Variants in PHF24 observed in about 807,000 individuals in gnomAD.
The protein encoded by PHF24 is PHD finger protein 24.
A neutral mutation model predicts 42.6 loss-of-function variants in PHF24; 25 were observed. The ratio of observed to expected loss-of-function variants is 0.59; its 90% confidence interval spans 0.43 to 0.82. The LOEUF (loss-of-function observed/expected upper bound fraction) is 0.82. Among genes scored for constraint, PHF24 ranks in the 40% least tolerant of loss-of-function variants. PHF24 has a pLI of 0.00. For synonymous variants in PHF24, 185 were observed against 204.8 expected (o/e 0.90, Z 0.83); for missense variants, 470 against 538.1 (o/e 0.87, Z 1.25).
the PHF24 span, among the ~76,000 whole-genome samples, chr9:34,857,562 C>G: frequency 6.6e-6 from 1 of 152,208 alleles, no homozygotes; most frequent in Non-Finnish European, 1.5e-5. Flanking sequence ...TCTGCTGGAT[C>G]CATGCCACTC....
the PHF24 span, among the ~76,000 whole-genome samples, chr9:34,925,161 A>G: frequency 6.6e-6 from 1 of 152,040 alleles, no homozygotes; most frequent in East Asian, 1.9e-4. Context: ...TTATTTCAGT[A>G]TTTTGAATAT....
intron 3 of PHF24, among the ~76,000 whole-genome samples, chr9:34,974,625 G>A (rs1827121732): frequency 6.6e-6 from 1 of 151,924 alleles, no homozygotes; most frequent in Non-Finnish European, 1.5e-5. Context: ...TGTTTCTCAG[G>A]GTTCTGTTGT....
At chr9:34,787,747 C>T in the PHF24 span, among the ~76,000 whole-genome samples, 1 of 152,068 alleles carries the variant, frequency 6.6e-6, no homozygotes, top group Non-Finnish European at 1.5e-5. Context: ...GAAGCATTTG[C>T]CTTAGTCATG....
the PHF24 span, among the ~76,000 whole-genome samples, chr9:34,679,250 A>G: frequency 6.6e-6 from 1 of 152,192 alleles, no homozygotes; most frequent in Non-Finnish European, 1.5e-5. Flanking sequence ...GCCAATTACC[A>G]TGCAGTATGA....
chr9:34,882,356 T>C, the PHF24 span, among the ~76,000 whole-genome samples: 4 of 152,196 alleles, frequency 2.6e-5, no homozygotes, highest in African/African-American at 7.2e-5. Flanking sequence ...TTGGAAGTTC[T>C]GGCCAGGGCA....
the PHF24 span, among the ~76,000 whole-genome samples, chr9:34,675,557 A>G: frequency 6.6e-6 from 1 of 152,208 alleles, no homozygotes; most frequent in East Asian, 1.9e-4. Context: ...TGGGTGGAAC[A>G]TTGCACAGAA....
the PHF24 span, among the ~76,000 whole-genome samples, chr9:34,739,362 G>C: frequency 1.3e-5 from 2 of 152,314 alleles, no homozygotes; most frequent in Non-Finnish European, 2.9e-5. Context: ...TTATAGAAAT[G>C]TGAAATGCAC....
At chr9:34,743,766 T>C in the PHF24 span, among the ~76,000 whole-genome samples, 80 of 152,222 alleles carry the variant, frequency 5.3e-4, 1 homozygote, top group Non-Finnish European at 8.7e-4. Flanking sequence ...CCTTTCCCTA[T>C]GTCTTAGTCT....
the PHF24 span, chr9:34,727,076 C>G: frequency 6.8e-7 from 1 of 1,474,492 alleles, no homozygotes; most frequent in Non-Finnish European, 9.0e-7. Flanking sequence ...TCTCCTTTCC[C>G]AGTCCTGAAA....
intron 1 of PHF24, among the ~76,000 whole-genome samples, chr9:34,970,909 G>A (rs975119790): frequency 3.3e-5 from 5 of 152,078 alleles, no homozygotes; most frequent in Admixed American, 2.0e-4. Flanking sequence ...TGGGGAAATA[G>A]CCCTCATTCC....
chr9:34,854,295 G>C, the PHF24 span, among the ~76,000 whole-genome samples: 2 of 148,524 alleles, frequency 1.3e-5, no homozygotes, highest in Non-Finnish European at 3.0e-5. Flanking sequence ...TCTGATCTTG[G>C]TTATTTCTTG....
chr9:34,837,893 G>A, the PHF24 span, among the ~76,000 whole-genome samples: 1 of 152,092 alleles, frequency 6.6e-6, no homozygotes, highest in East Asian at 1.9e-4. Flanking sequence ...TTCACTTGGA[G>A]CCTTTTCCAA....
chr9:34,797,728 G>C, the PHF24 span, among the ~76,000 whole-genome samples: 1 of 151,710 alleles, frequency 6.6e-6, no homozygotes, highest in Non-Finnish European at 1.5e-5. Flanking sequence ...GTCTCGGGGG[G>C]GTTTTATAGG....
At chr9:34,720,052 C>G in the PHF24 span, among the ~76,000 whole-genome samples, 1 of 152,188 alleles carries the variant, frequency 6.6e-6, no homozygotes, top group African/African-American at 2.4e-5. Context: ...GGGGTCCCAT[C>G]AGAGGAAGCA....
the PHF24 span, among the ~76,000 whole-genome samples, chr9:34,856,411 C>G: frequency 6.6e-6 from 1 of 152,210 alleles, no homozygotes; most frequent in African/African-American, 2.4e-5. Context: ...GTGGGCTAAT[C>G]TACATTCAGT....
At chr9:34,778,577 A>G in the PHF24 span, among the ~76,000 whole-genome samples, 1 of 152,242 alleles carries the variant, frequency 6.6e-6, no homozygotes. Context: ...GATGTAACAC[A>G]TATAAATGTA....
At chr9:34,877,875 A>G in the PHF24 span, among the ~76,000 whole-genome samples, 1 of 151,932 alleles carries the variant, frequency 6.6e-6, no homozygotes, top group Non-Finnish European at 1.5e-5. Flanking sequence ...TCCCTCCCCT[A>G]TCTCCCCCTC....
exon 8 of PHF24, chr9:34,978,556 C>T (rs1022711315): frequency 1.3e-5 from 2 of 157,044 alleles, no homozygotes; most frequent in Non-Finnish European, 2.8e-5. Context: ...AGTCTCTGGC[C>T]AAGTGATTCT....
chr9:34,721,551 C>T, the PHF24 span, among the ~76,000 whole-genome samples: 23 of 152,266 alleles, frequency 1.5e-4, no homozygotes, highest in African/African-American at 4.8e-4. Context: ...GCTGGGATTA[C>T]AGGTGCGCAC....
Sources: gnomAD v4.1 joint callset for allele counts (sites outside exome capture counted in the v4.1 genomes callset) on GRCh38, gnomAD v4.1.1 for gene constraint, MANE v1.5 for transcripts, NCBI Gene and HGNC (gene_info 2026-07-23, HGNC 2026-07-21) for gene names.